PHF12: variants seen among roughly 807,000 people sequenced by gnomAD.
PHF12 encodes PHD factor 1.
A neutral mutation model predicts 99.8 loss-of-function variants in PHF12; 6 were observed. That is an observed-to-expected ratio of 0.06 (90% CI 0.03 to 0.12). The LOEUF is 0.12. Among genes scored for constraint, PHF12 ranks in the 10% least tolerant of loss-of-function variants. The pLI is 1.00. For missense variants in PHF12, 954 were observed against 1,300.1 expected (o/e 0.73, Z 4.09); for synonymous variants, 480 against 514.9 (o/e 0.93, Z 0.92).
intron 7 of PHF12, 33 bp from the exon 8 acceptor site, chr17:28,914,070 G>C: frequency 3.8e-6 from 6 of 1,568,004 alleles, no homozygotes; most frequent in Non-Finnish European, 5.2e-6. Context: ...GGAAGGAGAG[G>C]GAGATAGTTC....
Position 28,907,774 on chromosome 17 carries a change from C to T in PHF12, c.2459-102G>A, listed in dbSNP as rs889168575. On this transcript the variant is annotated intron_variant, in intron 12 of 14. Transcript: ENST00000332830. ...GGGAGAGAGTTAGCTTCTGGGTTGG[C>T]ACTAGCAGAGACTTCAAGGGTGAGT... The T allele has an allele frequency of 1.0e-5, 11 of 1,096,154 alleles. No individual in the cohort carries two copies. In the African/African-American group the frequency reaches 1.5e-4, roughly 15 times the overall value. 67.9% of individuals were successfully genotyped at this position (1,096,154 alleles called of 1,614,324 possible).
At chr17:28,924,432 G>T in intron 3 of PHF12, 130 bp from the exon 4 acceptor site, 1 of 1,260,356 alleles carries the variant, frequency 7.9e-7, no homozygotes. Context: ...CATCTACCTG[G>T]TCACTTGGAA....
chr17:28,943,262 G>A (rs991028603), intron 2 of PHF12, among the ~76,000 whole-genome samples: 1 of 152,164 alleles, frequency 6.6e-6, no homozygotes, highest in African/African-American at 2.4e-5. Flanking sequence ...TCCTCCAAAG[G>A]TTAAGAGTTA....
intron 12 of PHF12, chr17:28,908,039 G>T: frequency 5.3e-6 from 1 of 189,814 alleles, no homozygotes; most frequent in Non-Finnish European, 1.1e-5. Context: ...GGGCTAATCT[G>T]TCTGTCCTTC....
chr17:28,918,453 C>A (rs2152662673), intron 6 of PHF12, among the ~76,000 whole-genome samples: 1 of 152,358 alleles, frequency 6.6e-6, no homozygotes, highest in East Asian at 1.9e-4. Context: ...AACCGAGGTT[C>A]CTCTCAGTGC....
At chr17:28,948,072 CA>C (rs2040748726) in intron 2 of PHF12, among the ~76,000 whole-genome samples, 1 of 152,102 alleles carries the variant, frequency 6.6e-6, no homozygotes, top group Admixed American at 6.5e-5. Flanking sequence ...TTTAAAAGCC[CA>C]ATCTCAGGCA....
intron 9 of PHF12, among the ~76,000 whole-genome samples, chr17:28,911,858 G>A (rs2039966986): frequency 1.3e-5 from 2 of 152,230 alleles, no homozygotes; most frequent in African/African-American, 4.8e-5. Flanking sequence ...ACAGCTGAGA[G>A]AGCAGGTCCA....
At position 28,912,803 on chromosome 17, in the gene PHF12, C is replaced by A; in HGVS notation, c.1768G>T (p.Ala590Ser). The A allele has an allele frequency of 1.2e-6, 2 of 1,608,946 alleles. No individual in the cohort carries two copies. Among genetic ancestry groups the A allele is most frequent in the Non-Finnish European group, 1.7e-6 (2 of 1,176,658 alleles). ...ACGGTGTGGTTCTGAAGGCCCCCAGCCGCTGGTGGCGTGAGGGGCCGGGGC... is the reference window on the plus strand; with the variant it reads ...ACGGTGTGGTTCTGAAGGCCCCCAGACGCTGGTGGCGTGAGGGGCCGGGGC... ...GWPRPLTPPA[A>S]GGLQNHTVGI... Residue 590 changes from alanine to serine, a missense_variant, in exon 9 of 15, where the codon GCT (alanine) becomes TCT (serine). Ala to Ser is a moderately conservative substitution (Grantham distance 99). Transcript: ENST00000332830.
intron 6 of PHF12, among the ~76,000 whole-genome samples, chr17:28,918,449 G>C (rs368869270): frequency 6.6e-6 from 1 of 152,226 alleles, no homozygotes; most frequent in Non-Finnish European, 1.5e-5. Flanking sequence ...CTTTAACCGA[G>C]GTTCCTCTCA....
chr17:28,906,755 C>A lies in PHF12; in HGVS notation c.2680+101G>T. On this transcript the variant is annotated intron_variant, in intron 14 of 14. Transcript: ENST00000332830. The surrounding 1 kb of genome is among the most constrained non-coding windows in gnomAD (Gnocchi z 4.2). ...GGCCCACGAGGAAGTAGAGCTTGGC[C>A]AATAGGACTGGGAAGGCAAGAGACA... is the stretch of plus-strand genomic sequence containing the variant. 6.8e-7 allele frequency: 1 copy of A among 1,475,218 alleles called. No homozygotes were observed. Among genetic ancestry groups the A allele is most frequent in the East Asian group, 2.3e-5 (1 of 43,748 alleles). The allele number at this position is 1,475,218 out of a possible 1,614,324, so 91.4% of individuals were successfully genotyped here. A position where few individuals can be genotyped will look rare whatever the true frequency, so the allele number is the denominator to read the frequency against.
chr17:28,908,984 T>C, intron 11 of PHF12, 103 bp from the exon 12 acceptor site: 2 of 1,060,918 alleles, frequency 1.9e-6, no homozygotes, highest in South Asian at 2.8e-5. Context: ...CTGGAGAAAA[T>C]CCCGCTGGAT....
intron 4 of PHF12, among the ~76,000 whole-genome samples, chr17:28,923,002 CT>C (rs1180685275): frequency 6.6e-6 from 1 of 151,220 alleles, no homozygotes; most frequent in Non-Finnish European, 1.5e-5. Context: ...ATTGCTTGAG[CT>C]GTGGTCACAC....
chr17:28,915,949 A>C (rs1047910708), intron 7 of PHF12, among the ~76,000 whole-genome samples: 4 of 152,202 alleles, frequency 2.6e-5, no homozygotes, highest in Non-Finnish European at 5.9e-5. Context: ...CGTTCACTTC[A>C]GCAGCTATGC....
chr17:28,922,252 C>A (rs1262287103), intron 4 of PHF12, among the ~76,000 whole-genome samples: 1 of 152,174 alleles, frequency 6.6e-6, no homozygotes, highest in Non-Finnish European at 1.5e-5. Flanking sequence ...TCAAACTCAG[C>A]TAACTTTTTT....
At chr17:28,930,299 T>G (rs1026171264) in intron 2 of PHF12, among the ~76,000 whole-genome samples, 1 of 152,236 alleles carries the variant, frequency 6.6e-6, no homozygotes, top group Non-Finnish European at 1.5e-5. Flanking sequence ...AGAGCACTTC[T>G]GCACCACACT....
At chr17:28,929,830 C>T (rs1428465363) in intron 2 of PHF12, 1 of 152,166 alleles carries the variant, frequency 6.6e-6, no homozygotes, top group Non-Finnish European at 1.5e-5. Flanking sequence ...TGTAAGTCTC[C>T]GCTCATTCTA....
At chr17:28,927,331 C>T (rs997583063) in intron 2 of PHF12, among the ~76,000 whole-genome samples, 1 of 152,080 alleles carries the variant, frequency 6.6e-6, no homozygotes, top group African/African-American at 2.4e-5. Flanking sequence ...CTGAGAGGTC[C>T]TCCACACTGT....
chr17:28,928,499 CAATGATTGGATCTCTTCCCTCCTT>C (rs1272431762), intron 2 of PHF12, among the ~76,000 whole-genome samples: 1 of 152,182 alleles, frequency 6.6e-6, no homozygotes, highest in Non-Finnish European at 1.5e-5. Context: ...GGGACTAGGA[CAATGATTGGATCTCTTCCCTCCTT>C]GTATTTTTAT....
Position 28,913,823 on chromosome 17 carries a change from C to G in PHF12, c.1293+56G>C. 3 of 1,561,018 alleles carry G rather than the reference C, an allele frequency of 1.9e-6. No individual in the cohort carries two copies. In the East Asian group the frequency reaches 6.8e-5, roughly 35 times the overall value. ...ACACTGAGGCTACTTCTGATAACAG[C>G]TGTGGTGACACAGAAGGAAGGTTGG... On this transcript the variant is annotated intron_variant, in intron 8 of 14. Coordinates refer to ENST00000332830, the MANE Select transcript of PHF12 (RefSeq NM_001033561.2).
Sources: gnomAD v4.1 joint callset for allele counts (sites outside exome capture counted in the v4.1 genomes callset) on GRCh38, gnomAD v4.1.1 for gene constraint, Gnocchi (gnomAD v3.1) non-coding constraint, MANE v1.5 for transcripts, NCBI Gene and HGNC (gene_info 2026-07-23, HGNC 2026-07-21) for gene names.